WDR49: variants seen among roughly 807,000 people sequenced by gnomAD.
The protein encoded by WDR49 is WD repeat domain 49, also known as cilia- and flagella-associated protein 337.
WDR49 carries 107 observed loss-of-function variants against 119.5 expected under a neutral mutation model. That is an observed-to-expected ratio of 0.90 (90% CI 0.77 to 1.05). The LOEUF is 1.05. Among genes scored for constraint, WDR49 ranks in the 50% least tolerant of loss-of-function variants. WDR49 has a pLI of 0.00. For missense variants in WDR49, 1,240 were observed against 1,220.5 expected (o/e 1.02, Z -0.24); for synonymous variants, 425 against 418.8 (o/e 1.01, Z -0.18).
chr3:167,529,050 A>T lies in WDR49; in HGVS notation c.2406+2T>A. 1 of 1,551,536 alleles carries T rather than the reference A, an allele frequency of 6.4e-7. No individual in the cohort carries two copies. On this transcript the variant is annotated splice_donor_variant, in intron 14 of 18. Coordinates refer to ENST00000682715, the MANE Select transcript of WDR49 (RefSeq NM_001366157.1). LOFTEE classifies it high-confidence loss of function. ...GTAATGTGATAATGTTTTTCAATTT[A>T]CCTCTATATTCCAGATTTTCAACCA... is the stretch of plus-strand genomic sequence containing the variant.
chr3:167,614,113 G>A (rs1716483592), intron 5 of WDR49, among the ~76,000 whole-genome samples: 3 of 151,976 alleles, frequency 2.0e-5, no homozygotes, highest in South Asian at 2.1e-4. Context: ...CCTGCGTCCC[G>A]CGATGGAGTC....
intron 16 of WDR49, among the ~76,000 whole-genome samples, chr3:167,514,521 C>T (rs765456198): frequency 6.6e-6 from 1 of 151,868 alleles, no homozygotes; most frequent in Non-Finnish European, 1.5e-5. Flanking sequence ...CTCAAATCAA[C>T]ATCCTAACAT....
At chr3:167,602,414 T>C in intron 6 of WDR49, 139 bp from the exon 7 acceptor site, 1 of 702,172 alleles carries the variant, frequency 1.4e-6, no homozygotes, top group Non-Finnish European at 2.2e-6. Flanking sequence ...TGTTTTGCCA[T>C]TGTCTAACTA....
chr3:167,598,228 C>T (rs1438521804), intron 7 of WDR49, among the ~76,000 whole-genome samples: 1 of 151,706 alleles, frequency 6.6e-6, no homozygotes, highest in South Asian at 2.1e-4. Flanking sequence ...TTGCTCGAAC[C>T]TAGGAGGCAG....
At chr3:167,509,583 AC>A (rs1751889413) in intron 16 of WDR49, among the ~76,000 whole-genome samples, 2 of 152,214 alleles carry the variant, frequency 1.3e-5, no homozygotes, top group South Asian at 4.1e-4. Flanking sequence ...CAGGAAAGCA[AC>A]CATTTGTATT....
chr3:167,587,513 T>C (rs1200456394), intron 7 of WDR49, among the ~76,000 whole-genome samples: 1 of 152,012 alleles, frequency 6.6e-6, no homozygotes, highest in Non-Finnish European at 1.5e-5. Flanking sequence ...TGAGACAGGG[T>C]CCCTCTCTGT....
intron 7 of WDR49, among the ~76,000 whole-genome samples, chr3:167,599,485 G>A (rs1169492073): frequency 6.6e-6 from 1 of 152,162 alleles, no homozygotes; most frequent in East Asian, 1.9e-4. Context: ...CAGGGCAGTG[G>A]GCTCTCCTAT....
chr3:167,536,247 T>TA (rs1753017748), intron 11 of WDR49, among the ~76,000 whole-genome samples: 1 of 152,168 alleles, frequency 6.6e-6, no homozygotes, highest in Non-Finnish European at 1.5e-5. Context: ...ATCACTAAGA[T>TA]ATGATATATG....
intron 5 of WDR49, among the ~76,000 whole-genome samples, chr3:167,617,898 T>G (rs1716678297): frequency 1.3e-5 from 2 of 152,182 alleles, no homozygotes; most frequent in South Asian, 4.1e-4. Context: ...CTCTAACCCA[T>G]GCTGAACAAA....
At chr3:167,494,152 T>G (rs1401443283) in intron 18 of WDR49, among the ~76,000 whole-genome samples, 1 of 152,184 alleles carries the variant, frequency 6.6e-6, no homozygotes, top group Non-Finnish European at 1.5e-5. Flanking sequence ...GAGGCAGGCA[T>G]CATTATCCCA....
intron 18 of WDR49, among the ~76,000 whole-genome samples, chr3:167,480,542 A>C (rs1405157102): frequency 6.6e-6 from 1 of 152,212 alleles, no homozygotes; most frequent in Non-Finnish European, 1.5e-5. Flanking sequence ...AGTTATATAG[A>C]CCTTGGCTAC....
chr3:167,627,648 C>T (rs1717192678), intron 2 of WDR49, among the ~76,000 whole-genome samples: 1 of 152,004 alleles, frequency 6.6e-6, no homozygotes. Flanking sequence ...AAAGGTTCTC[C>T]CCTAGAACCT....
chr3:167,551,068 A>C (rs934864422), intron 10 of WDR49, among the ~76,000 whole-genome samples: 3 of 152,020 alleles, frequency 2.0e-5, no homozygotes, highest in African/African-American at 7.2e-5. Flanking sequence ...ATACTTCTAA[A>C]TTTGGGACTT....
At chr3:167,620,653 CAAG>C (rs1269872187) in intron 4 of WDR49, 50 bp from the exon 5 acceptor site, 1 of 1,457,340 alleles carries the variant, frequency 6.9e-7, no homozygotes, top group Non-Finnish European at 9.1e-7. Flanking sequence ...ATATTTGTTG[CAAG>C]AAGATTCTAG....
intron 15 of WDR49, among the ~76,000 whole-genome samples, chr3:167,526,250 T>C (rs1427118978): frequency 2.6e-4 from 40 of 152,172 alleles, no homozygotes; most frequent in Admixed American, 2.6e-3. Flanking sequence ...TAAGCAGTTT[T>C]ACAAGCACAC....
In WDR49 at chr3:167,554,683, C is replaced by G. The variant is rs1367706000; in HGVS notation, c.1790G>C (p.Arg597Thr). The change falls in exon 10 of 19, where the codon AGG (arginine) becomes ACG (threonine). Residue 597 changes from arginine to threonine, a missense_variant. Coordinates refer to ENST00000682715, the MANE Select transcript of WDR49 (RefSeq NM_001366157.1). The part of the protein sequence containing the change: ...KKKILVTGWE[R>T]YDYASWKTIG... ...AGTTTTCCATGAGGCATAATCATAC[C>G]TCTCCCAGCCTGTAACCAGTATTTT... is the stretch of plus-strand genomic sequence containing the variant. 2 of 1,605,842 alleles carry G rather than the reference C, an allele frequency of 1.2e-6. No homozygotes were observed. Among genetic ancestry groups the G allele is most frequent in the South Asian group, 2.2e-5 (2 of 89,924 alleles).
chr3:167,657,719 G>A (rs1229392381), upstream of WDR49, among the ~76,000 whole-genome samples: 1 of 152,026 alleles, frequency 6.6e-6, no homozygotes, highest in Non-Finnish European at 1.5e-5. Flanking sequence ...CTCATTTCCG[G>A]CCCAGCCTTC....
At chr3:167,577,737 C>T (rs894604913) in intron 7 of WDR49, among the ~76,000 whole-genome samples, 2 of 152,090 alleles carry the variant, frequency 1.3e-5, no homozygotes, top group Non-Finnish European at 2.9e-5. Flanking sequence ...GTCTATCCAA[C>T]ATGAAAATTA....
intron 7 of WDR49, among the ~76,000 whole-genome samples, chr3:167,596,950 GA>G (rs528182004): frequency 0.063 from 8,040 of 126,922 alleles, 653 homozygotes; most frequent in African/African-American, 0.2. Flanking sequence ...ACTCAAAATG[GA>G]AAAAAAAAAA....
Sources: allele counts gnomAD v4.1 joint callset (sites outside exome capture counted in the v4.1 genomes callset), GRCh38; gene constraint gnomAD v4.1.1; transcripts MANE v1.5; gene names NCBI Gene and HGNC (gene_info 2026-07-23, HGNC 2026-07-21).